Variants in C1GALT1 observed in about 807,000 individuals in gnomAD.
The protein encoded by C1GALT1 is glycoprotein-N-acetylgalactosamine 3-beta-galactosyltransferase 1.
C1GALT1 carries 11 observed loss-of-function variants against 31.0 expected under a neutral mutation model. The observed-to-expected ratio is 0.36, with a 90% CI of 0.22 to 0.59. The LOEUF (loss-of-function observed/expected upper bound fraction) is 0.59, where lower values mean the gene tolerates loss of function less well. Among genes scored for constraint, C1GALT1 ranks in the 20% least tolerant of loss-of-function variants. The pLI is 0.79. For synonymous variants in C1GALT1, 175 were observed against 143.6 expected (o/e 1.22, Z -1.56); for missense variants, 424 against 425.2 (o/e 1.00, Z 0.03).
chr7:7,200,180 G>A (rs998327925), intron 1 of C1GALT1, among the ~76,000 whole-genome samples: 1 of 152,300 alleles, frequency 6.6e-6, no homozygotes, highest in South Asian at 2.1e-4. Flanking sequence ...GGCTGGTACG[G>A]GTTGTTCCTT....
At chr7:7,201,329 G>A (rs1213572584) in intron 1 of C1GALT1, among the ~76,000 whole-genome samples, 4 of 152,180 alleles carry the variant, frequency 2.6e-5, no homozygotes, top group African/African-American at 4.8e-5. Flanking sequence ...GAATGTTGCA[G>A]AACAGAGATG....
At chr7:7,191,556 T>C (rs1319106262) in intron 1 of C1GALT1, among the ~76,000 whole-genome samples, 1 of 152,156 alleles carries the variant, frequency 6.6e-6, no homozygotes, top group African/African-American at 2.4e-5. Flanking sequence ...ATTTTCATAC[T>C]GTTTTCCATA....
chr7:7,179,255 C>G (rs1002243815), upstream of C1GALT1, among the ~76,000 whole-genome samples: 3 of 152,212 alleles, frequency 2.0e-5, no homozygotes, highest in Admixed American at 2.0e-4. Context: ...ATCATTTCCA[C>G]TACATTCTAT....
chr7:7,237,274 C>G (rs1471805741), intron 2 of C1GALT1, among the ~76,000 whole-genome samples: 1 of 152,182 alleles, frequency 6.6e-6, no homozygotes, highest in Admixed American at 6.5e-5. Flanking sequence ...TGAGCTCTTC[C>G]TCTGTACCGG....
Position 7,245,813 on chromosome 7 carries a change from A to C in C1GALT1, c.*2086A>C, listed in dbSNP as rs1192286258. Reference sequence around the variant, plus strand: ...GTGATGAATCCTGGGCTCTAGAGTCAGACTTGCTTGGGTTTAAATTCTTGC... The same window carrying C: ...GTGATGAATCCTGGGCTCTAGAGTCCGACTTGCTTGGGTTTAAATTCTTGC... On this transcript the variant is annotated 3_prime_UTR_variant, in exon 4 of 4. Transcript: ENST00000436587. 1 of 152,220 alleles carries C rather than the reference A, an allele frequency of 6.6e-6. No individual in the cohort carries two copies. The highest frequency in any genetic ancestry group is 2.4e-5 in the African/African-American group (1 of 41,464). 9.4% of individuals were successfully genotyped at this position (152,220 alleles called of 1,614,324 possible).
At chr7:7,199,595 T>G (rs1324363670) in intron 1 of C1GALT1, among the ~76,000 whole-genome samples, 2 of 144,436 alleles carry the variant, frequency 1.4e-5, no homozygotes, top group African/African-American at 5.4e-5. Flanking sequence ...GATATCCTTG[T>G]TACAACTTTC....
Position 7,159,763 on chromosome 7 carries a change from G to A in C1GALT1, c.-18+2337G>A, listed in dbSNP as rs540368926. Among the ~76,000 whole-genome samples, 6 of 152,248 alleles carry A rather than the reference G, an allele frequency of 3.9e-5. No individual in the cohort carries two copies. In the East Asian group the frequency reaches 9.6e-4, roughly 24 times the overall value. Reference sequence around the variant, plus strand: ...AAAAAAATTCTCTGTCTCCATGTAAGCTATATTCAAAAAATTCATTTTAAT... The same window carrying A: ...AAAAAAATTCTCTGTCTCCATGTAAACTATATTCAAAAAATTCATTTTAAT... On this transcript the variant is annotated intron_variant, in intron 2 of 3. Coordinates refer to the C1GALT1 transcript ENST00000429911.
At position 7,211,180 on chromosome 7, in the gene C1GALT1, G is replaced by A. The variant is rs544839509; in HGVS notation, c.-17-23123G>A. Among the ~76,000 whole-genome samples the A allele has an allele frequency of 1.4e-4, 22 of 152,294 alleles. No homozygotes were observed. In the South Asian group the frequency reaches 4.6e-3, roughly 32 times the overall value. ...TGATTGCTTCTAGGTGAGAGTTACAGTATTGAGTATACAGGGCCCAGATAT... is the reference window on the plus strand; with the variant it reads ...TGATTGCTTCTAGGTGAGAGTTACAATATTGAGTATACAGGGCCCAGATAT... On this transcript the variant is annotated intron_variant, in intron 1 of 3. Coordinates refer to ENST00000436587, the MANE Select transcript of C1GALT1 (RefSeq NM_020156.5).
intron 2 of C1GALT1, among the ~76,000 whole-genome samples, chr7:7,173,030 A>C (rs1583730696): frequency 6.6e-6 from 1 of 152,084 alleles, no homozygotes; most frequent in South Asian, 2.1e-4. Flanking sequence ...AGCTTCTTTC[A>C]CTTAGCAATA....
At chr7:7,240,562 C>T (rs1583839252) in intron 3 of C1GALT1, among the ~76,000 whole-genome samples, 1 of 152,086 alleles carries the variant, frequency 6.6e-6, no homozygotes, top group South Asian at 2.1e-4. Flanking sequence ...AGAATATAAA[C>T]ATGTAGCAAA....
chr7:7,238,814 C>T lies in C1GALT1; in HGVS notation c.780C>T (p.Thr260=). 1 of 1,613,738 alleles carries T rather than the reference C, an allele frequency of 6.2e-7. No homozygotes were observed. The highest frequency in any genetic ancestry group is 8.5e-7 in the Non-Finnish European group (1 of 1,179,892). ...TAGAAGCAGGAGATTCCAGAGATACCATTGGAAAAGAAACTTTTCATCCCT... is the reference window on the plus strand; with the variant it reads ...TAGAAGCAGGAGATTCCAGAGATACTATTGGAAAAGAAACTTTTCATCCCT... The part of the protein sequence containing the change: ...MNVEAGDSRD[T]IGKETFHPFV... Residue 260 remains threonine, a synonymous_variant, in exon 3 of 4, where the codon ACC becomes ACT. Transcript: ENST00000436587. The surrounding 1 kb of genome is among the most constrained non-coding windows in gnomAD (Gnocchi z 5.2).
chr7:7,192,438 A>G (rs1781114871), intron 1 of C1GALT1, among the ~76,000 whole-genome samples: 1 of 151,794 alleles, frequency 6.6e-6, no homozygotes, highest in African/African-American at 2.4e-5. Context: ...AATGGTCTCC[A>G]CCTCCATCCA....
intron 1 of C1GALT1, among the ~76,000 whole-genome samples, chr7:7,184,694 C>G (rs1278346330): frequency 6.6e-6 from 1 of 152,144 alleles, no homozygotes; most frequent in East Asian, 1.9e-4. Flanking sequence ...GACAGTGCAG[C>G]TATAAATAAA....
At chr7:7,192,361 A>G (rs983580580) in intron 1 of C1GALT1, among the ~76,000 whole-genome samples, 4 of 152,092 alleles carry the variant, frequency 2.6e-5, no homozygotes, top group Non-Finnish European at 5.9e-5. Context: ...CTCATAGCTT[A>G]GTTCCCATTT....
chr7:7,236,672 C>T (rs931208122), intron 2 of C1GALT1, among the ~76,000 whole-genome samples: 1 of 152,084 alleles, frequency 6.6e-6, no homozygotes, highest in Admixed American at 6.5e-5. Flanking sequence ...CAGGCGCCCA[C>T]CACTACGCTT....
intron 1 of C1GALT1, among the ~76,000 whole-genome samples, chr7:7,189,270 T>C (rs1419480184): frequency 3.3e-5 from 5 of 152,166 alleles, no homozygotes; most frequent in Non-Finnish European, 7.4e-5. Flanking sequence ...TCTATGATTA[T>C]ATCTGTAAAA....
At chr7:7,163,282 T>A (rs1216712344) in intron 2 of C1GALT1, among the ~76,000 whole-genome samples, 1 of 152,210 alleles carries the variant, frequency 6.6e-6, no homozygotes, top group East Asian at 1.9e-4. Flanking sequence ...CATCTTGAAT[T>A]AATTTTTGTA....
In C1GALT1 at chr7:7,238,592, C is replaced by A. The variant is rs781066828; in HGVS notation, c.558C>A (p.Tyr186Ter). 6.2e-7 allele frequency: 1 copy of A among 1,614,006 alleles called. No homozygotes were observed. Among genetic ancestry groups the A allele is most frequent in the Non-Finnish European group, 8.5e-7 (1 of 1,179,960 alleles). Residue 186 changes from tyrosine (Y) to a stop codon, truncating the protein, a stop_gained, in exon 3 of 4, where the codon TAC becomes TAA. Coordinates refer to ENST00000436587, the MANE Select transcript of C1GALT1 (RefSeq NM_020156.5). LOFTEE classifies it high-confidence loss of function. This position sits in a 1 kb window ranked among gnomAD's most constrained non-coding sequence, Gnocchi z 5.2. ...LDNLRWLLSK[Y>*]DPEEPIYFGR... ...ATTTGAGGTGGCTTCTTTCAAAATA[C>A]GACCCTGAAGAACCCATTTACTTTG...
intron 1 of C1GALT1, chr7:7,209,418 C>G (rs923424920): frequency 1.3e-5 from 2 of 152,204 alleles, no homozygotes; most frequent in African/African-American, 4.8e-5. Context: ...CCTTTATCTT[C>G]TTGTGCAGTT....
Sources: allele counts gnomAD v4.1 joint callset (sites outside exome capture counted in the v4.1 genomes callset), GRCh38; gene constraint gnomAD v4.1.1; non-coding constraint Gnocchi (gnomAD v3.1); transcripts MANE v1.5; gene names NCBI Gene and HGNC (gene_info 2026-07-23, HGNC 2026-07-21).